PIKFYVE: variants seen among roughly 807,000 people sequenced by gnomAD.
The protein encoded by PIKFYVE is phosphoinositide kinase, FYVE-type zinc finger containing, also known as 1-phosphatidylinositol 3-phosphate 5-kinase.
PIKFYVE carries 122 observed loss-of-function variants against 257.9 expected under a neutral mutation model. That is an observed-to-expected ratio of 0.47 (90% confidence interval 0.41 to 0.55). The LOEUF is 0.55. PIKFYVE is among the 20% of genes least tolerant of loss of function. PIKFYVE has a pLI of 0.00. For synonymous variants in PIKFYVE, 892 were observed against 868.9 expected (o/e 1.03, Z -0.47); for missense variants, 2,160 against 2,536.6 (o/e 0.85, Z 3.19).
chr2:208,324,118 A>T lies in PIKFYVE; in HGVS notation c.2191-24A>T, dbSNP rs371892549. ...CAGATACTGCATTTTACCAGGTGTA[A>T]TATTTCTGATTTATCTTACTTAGGA... On this transcript the variant is annotated intron_variant, in intron 17 of 41. Transcript: ENST00000264380. 16 of 1,609,030 alleles carry T rather than the reference A, an allele frequency of 9.9e-6. No homozygotes were observed. In the African/African-American group the frequency reaches 2.0e-4, roughly 20 times the overall value.
intron 17 of PIKFYVE, among the ~76,000 whole-genome samples, chr2:208,323,398 A>G (rs1445896339): frequency 6.7e-6 from 1 of 149,842 alleles, no homozygotes; most frequent in Non-Finnish European, 1.5e-5. Flanking sequence ...ACTGAGAATG[A>G]TGATTTACAA....
intron 1 of PIKFYVE, among the ~76,000 whole-genome samples, chr2:208,270,746 A>G (rs1448831183): frequency 1.3e-5 from 2 of 152,222 alleles, no homozygotes; most frequent in Non-Finnish European, 2.9e-5. Context: ...AAAATATAAA[A>G]GTTGAGGCCA....
At chr2:208,277,512 C>G (rs752736557) in intron 4 of PIKFYVE, 25 bp from the exon 5 acceptor site, 12 of 1,611,218 alleles carry the variant, frequency 7.4e-6, no homozygotes, top group South Asian at 2.2e-5. Context: ...TTTCAAGAAG[C>G]CTTCACACAT....
At chr2:208,269,177 C>A (rs967473631) in intron 1 of PIKFYVE, among the ~76,000 whole-genome samples, 2 of 152,120 alleles carry the variant, frequency 1.3e-5, no homozygotes, top group Admixed American at 1.3e-4. Context: ...GTAATGTCCT[C>A]TTTGTAAAGT....
intron 15 of PIKFYVE, among the ~76,000 whole-genome samples, chr2:208,315,868 T>A (rs6724310): frequency 2.7e-5 from 4 of 149,928 alleles, no homozygotes; most frequent in African/African-American, 4.9e-5. Context: ...TTTATGTCTC[T>A]TTCTTTTTTT....
Position 208,345,155 on chromosome 2 carries a change from CT to C in PIKFYVE, c.5073del (p.Gln1692SerfsTer30). The C allele has an allele frequency of 6.2e-7, 1 of 1,612,982 alleles. No homozygotes were observed. Among genetic ancestry groups the C allele is most frequent in the Non-Finnish European group, 8.5e-7 (1 of 1,179,094 alleles). On this transcript the variant is annotated frameshift_variant, in exon 33 of 42. Transcript: ENST00000264380. LOFTEE classifies it high-confidence loss of function. ...GCCTTAGAGGAATTGTCTAAAGCGA[CT>C]CAGTGGAACAGTGCCGAAGAAGGGC... ...RNALEELSKATQWNSAEEGLP... is the reference protein window; with the variant it reads ...RNALEELSKAXQWNSAEEGLP...
chr2:208,306,094 C>T (rs1342436035), intron 12 of PIKFYVE, among the ~76,000 whole-genome samples: 3 of 152,070 alleles, frequency 2.0e-5, no homozygotes, highest in Non-Finnish European at 2.9e-5. Context: ...TCATAGTTGT[C>T]AGTATTAGCT....
chr2:208,279,623 C>G (rs1574423274), intron 5 of PIKFYVE, among the ~76,000 whole-genome samples: 1 of 152,156 alleles, frequency 6.6e-6, no homozygotes, highest in South Asian at 2.1e-4. Context: ...ATATGGCTAG[C>G]CAGCTATTCC....
chr2:208,353,762 C>T, intron 39 of PIKFYVE, 136 bp from the exon 40 acceptor site: 3 of 1,016,274 alleles, frequency 3.0e-6, no homozygotes, highest in South Asian at 1.5e-5. Context: ...AATTATGATT[C>T]AATTTTCAGT....
chr2:208,346,135 G>A lies in PIKFYVE; in HGVS notation c.5197G>A (p.Glu1733Lys). ...ACAGACAAATCGTACAACAGAAACA[G>A]AACCACAACCAAGTAAGATTACACA... The part of the protein sequence containing the change: ...GGQTNRTTET[E>K]PQPTKKASGM... The change falls in exon 34 of 42, where the codon GAA becomes AAA. Residue 1733 changes from glutamate to lysine, a missense_variant. By Grantham distance (56) the Glu-to-Lys change is moderately conservative (BLOSUM62 1). Around this residue, in one of 12 missense-constraint regions of PIKFYVE, gnomAD observed 699 missense variants for 855.8 expected, o/e 0.82. Transcript: ENST00000264380. 6.2e-7 allele frequency: 1 copy of A among 1,607,996 alleles called. No homozygotes were observed. Among genetic ancestry groups the A allele is most frequent in the Non-Finnish European group, 8.5e-7 (1 of 1,174,792 alleles).
At position 208,335,417 on chromosome 2, in the gene PIKFYVE, A is replaced by C; in HGVS notation, c.4254A>C (p.Gln1418His). ...TTCAGGATCTGAAGGACTTCTTTCA[A>C]AAGTAAGTTCAGTTTCTTTTATCAT... ...SLLQDLKDFF[Q>H]KVSQVYVAID... The change falls in exon 25 of 42, where the codon CAA (glutamine) becomes CAC (histidine). Residue 1418 changes from glutamine to histidine, a missense_variant and splice_region_variant. Coordinates refer to ENST00000264380, the MANE Select transcript of PIKFYVE (RefSeq NM_015040.4). The C allele has an allele frequency of 1.9e-6, 3 of 1,567,928 alleles. No individual in the cohort carries two copies. The highest frequency in any genetic ancestry group is 2.6e-6 in the Non-Finnish European group (3 of 1,138,282).
intron 16 of PIKFYVE, among the ~76,000 whole-genome samples, chr2:208,318,516 C>G (rs1426029881): frequency 6.6e-6 from 1 of 152,152 alleles, no homozygotes; most frequent in Non-Finnish European, 1.5e-5. Flanking sequence ...GAACTTTATT[C>G]TGAAATCTTT....
intron 7 of PIKFYVE, among the ~76,000 whole-genome samples, chr2:208,297,524 T>TA (rs1693133844): frequency 6.6e-6 from 1 of 152,206 alleles, no homozygotes; most frequent in African/African-American, 2.4e-5. Flanking sequence ...AATTGACACC[T>TA]AATTCTAGGT....
intron 7 of PIKFYVE, among the ~76,000 whole-genome samples, chr2:208,293,622 G>C (rs1343050724): frequency 6.6e-6 from 1 of 151,226 alleles, no homozygotes; most frequent in Admixed American, 6.6e-5. Context: ...TGCTTGCGTG[G>C]CTTCTGAGGA....
chr2:208,316,825 A>G (rs6720289), intron 15 of PIKFYVE, among the ~76,000 whole-genome samples: 141,483 of 152,108 alleles, frequency 0.93, 66,329 homozygotes, highest in Non-Finnish European at 0.98. Flanking sequence ...CAGAAATAAC[A>G]CTGCATATCT....
At chr2:208,349,332 T>G in intron 35 of PIKFYVE, among the ~76,000 whole-genome samples, 1 of 152,090 alleles carries the variant, frequency 6.6e-6, no homozygotes. Context: ...GGACTATTTG[T>G]TCTTCTAGAT....
At chr2:208,266,809 T>G (rs1688696034) in intron 1 of PIKFYVE, among the ~76,000 whole-genome samples, 1 of 152,224 alleles carries the variant, frequency 6.6e-6, no homozygotes, top group Non-Finnish European at 1.5e-5. Flanking sequence ...GAAAAGAAAG[T>G]TCATGAGCTG....
intron 7 of PIKFYVE, among the ~76,000 whole-genome samples, chr2:208,291,262 A>C (rs1383702677): frequency 6.6e-6 from 1 of 152,098 alleles, no homozygotes; most frequent in Non-Finnish European, 1.5e-5. Context: ...ATGATTACAT[A>C]ATTATTCTTC....
chr2:208,274,745 T>C (rs1285860144), intron 3 of PIKFYVE, among the ~76,000 whole-genome samples: 1 of 152,198 alleles, frequency 6.6e-6, no homozygotes, highest in African/African-American at 2.4e-5. Flanking sequence ...GGAGCTCTCC[T>C]TTTATTCCAG....
Sources: allele counts gnomAD v4.1 joint callset (sites outside exome capture counted in the v4.1 genomes callset), GRCh38; gene constraint gnomAD v4.1.1; regional missense constraint gnomAD v4.1.1; transcripts MANE v1.5; gene names NCBI Gene and HGNC (gene_info 2026-07-23, HGNC 2026-07-21).